Variants in COLQ observed in about 807,000 individuals in gnomAD.
COLQ encodes acetylcholinesterase collagenic tail peptide.
COLQ carries 48 observed loss-of-function variants against 69.0 expected under a neutral mutation model. The observed-to-expected ratio is 0.70, with a 90% confidence interval of 0.55 to 0.88. The LOEUF (loss-of-function observed/expected upper bound fraction) is 0.88. Among genes scored for constraint, COLQ ranks in the 40% least tolerant of loss-of-function variants. The probability of loss-of-function intolerance (pLI) is 0.00; values close to 1 mark genes in which losing one functional copy is unlikely to be tolerated. For synonymous variants in COLQ, 217 were observed against 211.2 expected, an observed-to-expected ratio of 1.03 and a Z score of -0.24; for missense variants, 618 against 594.6, an observed-to-expected ratio of 1.04 and a Z score of -0.41.
intron 1 of COLQ, among the ~76,000 whole-genome samples, chr3:15,516,361 C>T (rs2125189014): frequency 6.6e-6 from 1 of 152,274 alleles, no homozygotes; most frequent in South Asian, 2.1e-4. Context: ...CTACAGGCCA[C>T]AAAATGCCTG....
At chr3:15,518,282 T>C (rs1437311707) in intron 1 of COLQ, among the ~76,000 whole-genome samples, 1 of 152,124 alleles carries the variant, frequency 6.6e-6, no homozygotes, top group Non-Finnish European at 1.5e-5. Context: ...CATTTCCTAA[T>C]TCTTTATTGT....
intron 12 of COLQ, among the ~76,000 whole-genome samples, chr3:15,460,134 T>A (rs1434743894): frequency 6.6e-6 from 1 of 152,230 alleles, no homozygotes; most frequent in African/African-American, 2.4e-5. Flanking sequence ...TGTGATTCTA[T>A]ATATTGTGAG....
chr3:15,470,397 C>A, intron 11 of COLQ, 139 bp downstream of exon 11: 1 of 794,844 alleles, frequency 1.3e-6, no homozygotes, highest in South Asian at 1.4e-5. Flanking sequence ...AGTGGTGCTG[C>A]TCCCGTCTGC....
chr3:15,489,402 G>A (rs1322538039), intron 2 of COLQ, 123 bp downstream of exon 2: 1 of 886,914 alleles, frequency 1.1e-6, no homozygotes. Flanking sequence ...ACAGTGGAGG[G>A]TTGAGGCTCT....
intron 6 of COLQ, among the ~76,000 whole-genome samples, chr3:15,476,184 T>G (rs549827303): frequency 6.6e-6 from 1 of 152,202 alleles, no homozygotes; most frequent in Non-Finnish European, 1.5e-5. Context: ...ACATCTCCAT[T>G]CAGGTGCTAA....
chr3:15,476,890 G>C (rs997628455), intron 6 of COLQ, among the ~76,000 whole-genome samples: 1 of 152,196 alleles, frequency 6.6e-6, no homozygotes, highest in Non-Finnish European at 1.5e-5. Context: ...CTGTAGAAGA[G>C]GGTACCAGCC....
intron 12 of COLQ, among the ~76,000 whole-genome samples, chr3:15,465,220 C>T (rs1170937821): frequency 6.8e-6 from 1 of 147,926 alleles, no homozygotes; most frequent in African/African-American, 2.6e-5. Flanking sequence ...TTCTCAATAA[C>T]AGACTTTATA....
intron 3 of COLQ, among the ~76,000 whole-genome samples, chr3:15,480,560 T>G (rs186477942): frequency 2.0e-5 from 3 of 152,338 alleles, no homozygotes; most frequent in Admixed American, 2.0e-4. Context: ...ATGTGCCACA[T>G]TTTCTTAATC....
rs953134393 is a variant in COLQ at position 15,451,544 on chromosome 3, A to G, written c.*100T>C. On this transcript the variant is annotated 3_prime_UTR_variant, in exon 17 of 17. Coordinates refer to ENST00000383788, the MANE Select transcript of COLQ (RefSeq NM_005677.4). ...GAATTTGTCCTTGTTTTTGTCACAC[A>G]AAGGTTGGTGGAGACGGGGCCAGGA... The G allele has an allele frequency of 1.2e-5, 13 of 1,110,898 alleles. No homozygotes were observed. The Admixed American group carries it at 2.0e-4, about 17-fold the overall frequency. 68.8% of individuals were successfully genotyped at this position (1,110,898 alleles called of 1,614,324 possible). A position where few individuals can be genotyped will look rare whatever the true frequency, so the allele number is the denominator to read the frequency against.
At chr3:15,509,247 T>C (rs2062952225) in intron 1 of COLQ, among the ~76,000 whole-genome samples, 1 of 152,224 alleles carries the variant, frequency 6.6e-6, no homozygotes, top group Non-Finnish European at 1.5e-5. Context: ...GGTGACTTGA[T>C]GGCCATTGTC....
intron 3 of COLQ, among the ~76,000 whole-genome samples, chr3:15,482,798 C>T (rs1321585419): frequency 6.6e-6 from 1 of 152,174 alleles, no homozygotes; most frequent in African/African-American, 2.4e-5. Flanking sequence ...CCAGCTCCTC[C>T]TTGTACCTCT....
chr3:15,488,802 A>G (rs1328277896), intron 2 of COLQ, among the ~76,000 whole-genome samples: 4 of 152,238 alleles, frequency 2.6e-5, no homozygotes, highest in Non-Finnish European at 5.9e-5. Context: ...GAGATAGTTT[A>G]CATTCTTTTC....
intron 1 of COLQ, among the ~76,000 whole-genome samples, chr3:15,495,210 G>A (rs1158707899): frequency 1.3e-5 from 2 of 152,194 alleles, no homozygotes; most frequent in African/African-American, 4.8e-5. Flanking sequence ...GAACCAAGCT[G>A]GGTTTATTGA....
At chr3:15,498,990 T>C (rs1277932525) in intron 1 of COLQ, 15 of 1,140,008 alleles carry the variant, frequency 1.3e-5, no homozygotes, top group Non-Finnish European at 1.6e-5. Flanking sequence ...ACCACAGCAG[T>C]ATTGACTGCT....
intron 1 of COLQ, among the ~76,000 whole-genome samples, chr3:15,512,439 G>A (rs1389364918): frequency 6.6e-6 from 1 of 152,150 alleles, no homozygotes; most frequent in Non-Finnish European, 1.5e-5. Context: ...ATGGAAGAGG[G>A]CCAGGTGTAT....
At chr3:15,465,610 C>CTT (rs71045163) in intron 12 of COLQ, among the ~76,000 whole-genome samples, 1,936 of 94,594 alleles carry the variant, frequency 0.02, 128 homozygotes, top group African/African-American at 0.079. Flanking sequence ...CTTTCTACAT[C>CTT]TTTTTTTTTT....
At chr3:15,520,309 TG>T (rs2063119209) in intron 1 of COLQ, among the ~76,000 whole-genome samples, 1 of 152,206 alleles carries the variant, frequency 6.6e-6, no homozygotes, top group African/African-American at 2.4e-5. Flanking sequence ...TCCACAAATC[TG>T]CCCCCACCTC....
intron 12 of COLQ, among the ~76,000 whole-genome samples, chr3:15,460,285 G>C (rs2062092536): frequency 6.6e-6 from 1 of 152,190 alleles, no homozygotes; most frequent in African/African-American, 2.4e-5. Flanking sequence ...CGACTAATTG[G>C]AGAGAAAAAG....
intron 10 of COLQ, among the ~76,000 whole-genome samples, chr3:15,472,832 C>CTCTTTCTTCACT (rs1289371184): frequency 2.0e-5 from 3 of 152,020 alleles, no homozygotes; most frequent in Non-Finnish European, 4.4e-5. Context: ...TTCTCTCTCT[C>CTCTTTCTTCACT]TCTTTCTTCA....
Sources: allele counts gnomAD v4.1 joint callset (sites outside exome capture counted in the v4.1 genomes callset), GRCh38; gene constraint gnomAD v4.1.1; transcripts MANE v1.5; gene names NCBI Gene and HGNC (gene_info 2026-07-23, HGNC 2026-07-21).